The following TRIO variants were observed in gnomAD, a reference collection of about 807,000 sequenced individuals.
The protein encoded by TRIO is triple functional domain protein.
A neutral mutation model predicts 351.9 loss-of-function variants in TRIO; 58 were observed. That is an observed-to-expected ratio of 0.16 (90% confidence interval 0.13 to 0.21). The LOEUF (loss-of-function observed/expected upper bound fraction) is 0.21, where lower values mean the gene tolerates loss of function less well. Among genes scored for constraint, TRIO ranks in the 10% least tolerant of loss-of-function variants. The pLI, the probability that TRIO is intolerant of heterozygous loss-of-function variation, is 1.00. For missense variants in TRIO, 3,201 were observed against 4,027.8 expected (o/e 0.79, Z 5.56); for synonymous variants, 1,758 against 1,595.7 (o/e 1.10, Z -2.42).
rs753441102 is a variant in TRIO, at chr5:14,403,222, G to GGTGAGGGTGTAGGTT, written c.4716+2162_4716+2176dup. On this transcript the variant is annotated intron_variant, in intron 31 of 56. Coordinates refer to ENST00000344204, the MANE Select transcript of TRIO (RefSeq NM_007118.4). ...AGGTTGTGGTGAGGGTGCAGGTTGT[G>GGTGAGGGTGTAGGTT]GTGAGGGTGTAGGTTGTGGTGAGGG... Among the ~76,000 whole-genome samples the GGTGAGGGTGTAGGTT allele has an allele frequency of 2.7e-3, 281 of 105,696 alleles. 1 individual carries two copies. The highest frequency in any genetic ancestry group is 4.5e-3 in the Non-Finnish European group (204 of 45,456). The allele number at this position is 105,696 out of a possible 152,430, so 69.3% of individuals were successfully genotyped here. A position where few individuals can be genotyped will look rare whatever the true frequency, so the allele number is the denominator to read the frequency against.
chr5:14,440,403 A>G (rs949309797), intron 34 of TRIO, among the ~76,000 whole-genome samples: 4 of 152,232 alleles, frequency 2.6e-5, no homozygotes, highest in African/African-American at 9.6e-5. Flanking sequence ...CACGCAGTGG[A>G]CATTCTCCTC....
chr5:14,487,969 G>A lies in TRIO; in HGVS notation c.7341G>A (p.Gly2447=), dbSNP rs966374267. The A allele has an allele frequency of 9.0e-5, 139 of 1,552,130 alleles. No homozygotes were observed. The highest frequency in any genetic ancestry group is 1.1e-4 in the Non-Finnish European group (128 of 1,148,794). The change falls in exon 48 of 57, where the codon GGG becomes GGA. Residue 2447 remains glycine, a synonymous_variant. Coordinates refer to ENST00000344204, the MANE Select transcript of TRIO (RefSeq NM_007118.4). ...ARASLGTLPL[G]KPRAGAASPL... ...CTAGCCTGGGCACCCTGCCGCTTGG[G>A]AAGCCCCGGGCCGGGGCCGCTTCGC...
intron 40 of TRIO, among the ~76,000 whole-genome samples, chr5:14,474,783 A>G (rs1479610976): frequency 6.6e-6 from 1 of 152,006 alleles, no homozygotes; most frequent in Non-Finnish European, 1.5e-5. Flanking sequence ...CCGCCTCAGC[A>G]TCTCTCAGCA....
At chr5:14,206,680 A>G (rs1561200882) in intron 1 of TRIO, among the ~76,000 whole-genome samples, 1 of 152,208 alleles carries the variant, frequency 6.6e-6, no homozygotes, top group Non-Finnish European at 1.5e-5. Flanking sequence ...TGTATGACTG[A>G]AGTACATATT....
chr5:14,505,966 C>T (rs769590124), intron 55 of TRIO, among the ~76,000 whole-genome samples: 1 of 152,236 alleles, frequency 6.6e-6, no homozygotes, highest in Non-Finnish European at 1.5e-5. Flanking sequence ...GCTCATTTCT[C>T]ACCCTGGTGT....
At chr5:14,301,753 C>G (rs974902514) in intron 7 of TRIO, among the ~76,000 whole-genome samples, 3 of 152,168 alleles carry the variant, frequency 2.0e-5, no homozygotes, top group Non-Finnish European at 4.4e-5. Flanking sequence ...ACACCCTGTT[C>G]CCTGTTCCAT....
chr5:14,417,400 G>A (rs527629946), intron 33 of TRIO, among the ~76,000 whole-genome samples: 1 of 152,216 alleles, frequency 6.6e-6, no homozygotes, highest in Non-Finnish European at 1.5e-5. Context: ...TAAAAGATAG[G>A]CTCCTACAAC....
chr5:14,488,004 C>T lies in TRIO; in HGVS notation c.7376C>T (p.Ser2459Leu). The change falls in exon 48 of 57, where the codon TCG becomes TTG. Residue 2459 changes from serine to leucine, a missense_variant. Coordinates refer to ENST00000344204, the MANE Select transcript of TRIO (RefSeq NM_007118.4). ...PRAGAASPLN[S>L]PLSSAVPSLG... is the part of the protein sequence containing the mutation. ...GCCGGGGCCGCTTCGCCGCTGAACT[C>T]GCCGCTCTCCAGCGCGGTCCCTTCT... 6.3e-7 allele frequency: 1 copy of T among 1,576,134 alleles called. No homozygotes were observed. Among genetic ancestry groups the T allele is most frequent in the Non-Finnish European group, 8.6e-7 (1 of 1,162,148 alleles).
intron 1 of TRIO, among the ~76,000 whole-genome samples, chr5:14,269,978 A>G (rs1264922817): frequency 6.6e-6 from 1 of 152,232 alleles, no homozygotes; most frequent in African/African-American, 2.4e-5. Flanking sequence ...GAGATCGCCG[A>G]GAGAAATATC....
chr5:14,153,031 T>A (rs1787925453), intron 1 of TRIO, among the ~76,000 whole-genome samples: 1 of 152,254 alleles, frequency 6.6e-6, no homozygotes, highest in Non-Finnish European at 1.5e-5. Context: ...GCCTCAACTC[T>A]GCTGGAGTCT....
chr5:14,203,703 C>T (rs1330815796), intron 1 of TRIO, among the ~76,000 whole-genome samples: 1 of 152,210 alleles, frequency 6.6e-6, no homozygotes, highest in African/African-American at 2.4e-5. Context: ...GCATCTGTGA[C>T]TGACCCTTTC....
intron 1 of TRIO, among the ~76,000 whole-genome samples, chr5:14,263,077 T>A (rs1170788378): frequency 6.6e-6 from 1 of 152,228 alleles, no homozygotes; most frequent in East Asian, 1.9e-4. Flanking sequence ...TTGGACTACT[T>A]CTTCCACACT....
In TRIO at chr5:14,487,889, G is replaced by A; in HGVS notation, c.7261G>A (p.Gly2421Ser). 1 of 1,540,228 alleles carries A rather than the reference G, an allele frequency of 6.5e-7. No homozygotes were observed. Among genetic ancestry groups the A allele is most frequent in the South Asian group, 1.2e-5 (1 of 83,366 alleles). ...GAAGGTGCTGGAGAGCCCCAGGAAA[G>A]GCGCCGCGAACGCCTCGGGGTCGAG... The part of the protein sequence containing the change: ...KMKVLESPRK[G>S]AANASGSSPD... Residue 2421 changes from glycine to serine, a missense_variant, in exon 48 of 57, where the codon GGC becomes AGC. This residue lies in a region of TRIO where 1,089 missense variants were observed against 954.9 expected (regional missense o/e 1.14). Transcript: ENST00000344204.
chr5:14,402,632 G>A (rs753383307), intron 31 of TRIO, among the ~76,000 whole-genome samples: 3 of 152,026 alleles, frequency 2.0e-5, no homozygotes, highest in Admixed American at 6.6e-5. Flanking sequence ...TGGTGGTCAC[G>A]GTGGTATAGA....
intron 1 of TRIO, among the ~76,000 whole-genome samples, chr5:14,164,638 A>G (rs941592391): frequency 1.3e-5 from 2 of 152,212 alleles, no homozygotes; most frequent in African/African-American, 4.8e-5. Flanking sequence ...GGATTTAAAG[A>G]GTAAGTAGTT....
In TRIO at chr5:14,479,962, T is replaced by A; in HGVS notation, c.6287T>A (p.Leu2096Gln). 1 of 1,614,186 alleles carries A rather than the reference T, an allele frequency of 6.2e-7. No homozygotes were observed. Among genetic ancestry groups the A allele is most frequent in the Non-Finnish European group, 8.5e-7 (1 of 1,180,014 alleles). ...RLGHRLQLTD[L>Q]LIKPVQRIMK... is the part of the protein sequence containing the mutation. The stretch of plus-strand genomic sequence containing the variant: ...GGCCACAGGTTACAGCTCACAGATC[T>A]GTTGATCAAACCAGTGCAGAGAATC... The change falls in exon 43 of 57, where the codon CTG (leucine) becomes CAG (glutamine). Residue 2096 changes from leucine (L) to glutamine (Q), a missense_variant. Leu to Gln is a moderately radical substitution (Grantham distance 113). This residue lies in a region of TRIO where 307 missense variants were observed against 396.5 expected (regional missense o/e 0.77). Coordinates refer to ENST00000344204, the MANE Select transcript of TRIO (RefSeq NM_007118.4).
Position 14,508,684 on chromosome 5 carries a change from AT to A in TRIO, c.*263del, listed in dbSNP as rs1757888703. On this transcript the variant is annotated 3_prime_UTR_variant, in exon 57 of 57. Transcript: ENST00000344204. Reference sequence around the variant, plus strand: ...ATTTTATTCAGGTTTCTGCAAAAAAATAAAAAGATAACTTTTTTAAACAAAC... The same window carrying A: ...ATTTTATTCAGGTTTCTGCAAAAAAAAAAAAGATAACTTTTTTAAACAAAC... 2.6e-6 allele frequency: 1 copy of A among 387,764 alleles called. No homozygotes were observed. The highest frequency in any genetic ancestry group is 2.1e-5 in the African/African-American group (1 of 48,568). 24.0% of individuals were successfully genotyped at this position (387,764 alleles called of 1,614,324 possible).
chr5:14,438,641 A>T (rs1751785056), intron 34 of TRIO, among the ~76,000 whole-genome samples: 1 of 152,170 alleles, frequency 6.6e-6, no homozygotes, highest in Non-Finnish European at 1.5e-5. Context: ...CTCAGACCAG[A>T]TCCCTGGCCA....
chr5:14,467,804 C>T (rs965740593), intron 37 of TRIO, among the ~76,000 whole-genome samples: 2 of 151,496 alleles, frequency 1.3e-5, no homozygotes, highest in Non-Finnish European at 2.9e-5. Flanking sequence ...AGAGTGAGAC[C>T]CTATATCAAA....
Sources: gnomAD v4.1 joint callset for allele counts (sites outside exome capture counted in the v4.1 genomes callset) on GRCh38, gnomAD v4.1.1 for gene constraint, gnomAD v4.1.1 regional missense constraint, MANE v1.5 for transcripts, NCBI Gene and HGNC (gene_info 2026-07-23, HGNC 2026-07-21) for gene names.